The following ANXA8 variants were observed in gnomAD, a reference collection of about 807,000 sequenced individuals.
ANXA8 encodes annexin A8, also known as VAC-beta.
A neutral mutation model predicts 26.8 loss-of-function variants in ANXA8; 9 were observed. The ratio of observed to expected loss-of-function variants is 0.34; its 90% CI spans 0.20 to 0.59. The LOEUF is 0.59. Among genes scored for constraint, ANXA8 ranks in the 20% least tolerant of loss-of-function variants. The pLI is 0.84. For missense variants in ANXA8, 83 were observed against 238.5 expected, an observed-to-expected ratio of 0.35 and a Z score of 4.29; for synonymous variants, 39 against 94.8, an observed-to-expected ratio of 0.41 and a Z score of 3.42.
the ANXA8 span, among the ~76,000 whole-genome samples, chr10:47,651,066 G>A: frequency 6.6e-6 from 1 of 151,514 alleles, no homozygotes; most frequent in Non-Finnish European, 1.5e-5. Flanking sequence ...GATAGGCGTG[G>A]TTTGTGCCTG....
the ANXA8 span, among the ~76,000 whole-genome samples, chr10:47,626,198 T>C: frequency 6.7e-6 from 1 of 149,952 alleles, no homozygotes; most frequent in Non-Finnish European, 1.5e-5. Context: ...AGGTTTGGAA[T>C]ATTATTTCTT....
chr10:47,564,910 C>T, the ANXA8 span: 7 of 1,484,864 alleles, frequency 4.7e-6, no homozygotes, highest in Non-Finnish European at 6.6e-6. Flanking sequence ...ACGACAACTA[C>T]TGTGAAAAGC....
At chr10:47,570,386 A>G in the ANXA8 span, among the ~76,000 whole-genome samples, 1 of 147,762 alleles carries the variant, frequency 6.8e-6, no homozygotes, top group Non-Finnish European at 1.5e-5. Context: ...GTATAGTTAA[A>G]CAAAATAAGG....
the ANXA8 span, among the ~76,000 whole-genome samples, chr10:47,698,305 GT>G: frequency 7.3e-6 from 1 of 137,590 alleles, no homozygotes; most frequent in African/African-American, 2.8e-5. Flanking sequence ...AAATTTTAGA[GT>G]TATTAGCATA....
the ANXA8 span, among the ~76,000 whole-genome samples, chr10:47,530,105 A>G: frequency 1.5e-5 from 2 of 136,064 alleles, no homozygotes; most frequent in East Asian, 3.1e-4. Flanking sequence ...TTATTATCAC[A>G]TATCAGCAGG....
At chr10:47,703,451 C>T in the ANXA8 span, among the ~76,000 whole-genome samples, 6 of 150,754 alleles carry the variant, frequency 4.0e-5, no homozygotes, top group African/African-American at 9.7e-5. Flanking sequence ...CCCTATGGTC[C>T]CAGCTATTCG....
chr10:47,670,189 C>A, the ANXA8 span, among the ~76,000 whole-genome samples: 1 of 151,670 alleles, frequency 6.6e-6, no homozygotes, highest in Non-Finnish European at 1.5e-5. Flanking sequence ...TAGATCACTG[C>A]TTCCTTCTTT....
the ANXA8 span, among the ~76,000 whole-genome samples, chr10:47,530,398 A>G: frequency 6.7e-6 from 1 of 149,260 alleles, no homozygotes; most frequent in African/African-American, 2.5e-5. Context: ...CTCTTAAGAG[A>G]ATAAACAGGC....
chr10:47,520,827 C>T, the ANXA8 span, among the ~76,000 whole-genome samples: 18 of 106,518 alleles, frequency 1.7e-4, no homozygotes, highest in Admixed American at 7.4e-4. Context: ...ACAATGACAC[C>T]CTCCTTTATT....
the ANXA8 span, among the ~76,000 whole-genome samples, chr10:47,755,221 C>G: frequency 4.6e-5 from 7 of 151,430 alleles, no homozygotes; most frequent in Non-Finnish European, 7.4e-5. Context: ...TCCCAAAGTG[C>G]TAGGATTATA....
At chr10:47,704,899 G>T in the ANXA8 span, among the ~76,000 whole-genome samples, 1 of 151,918 alleles carries the variant, frequency 6.6e-6, no homozygotes, top group African/African-American at 2.4e-5. Flanking sequence ...TCATTAATTG[G>T]AAGATTTAAC....
chr10:47,719,407 C>T, the ANXA8 span, among the ~76,000 whole-genome samples: 1 of 118,332 alleles, frequency 8.5e-6, no homozygotes, highest in African/African-American at 3.3e-5. Context: ...GATCTGCCCG[C>T]GTCGGCCTCC....
chr10:47,672,849 T>G, the ANXA8 span, among the ~76,000 whole-genome samples: 2 of 151,740 alleles, frequency 1.3e-5, no homozygotes, highest in African/African-American at 4.9e-5. Flanking sequence ...ATTGCCATTC[T>G]TGTAACTGAA....
the ANXA8 span, chr10:47,760,786 C>T: frequency 8.1e-7 from 1 of 1,237,006 alleles, no homozygotes; most frequent in Admixed American, 2.5e-5. Flanking sequence ...AGGACACTCA[C>T]CAAGGCCGCC....
chr10:47,647,009 A>G, the ANXA8 span, among the ~76,000 whole-genome samples: 6 of 152,208 alleles, frequency 3.9e-5, no homozygotes, highest in African/African-American at 1.2e-4. Context: ...TCTATGACCA[A>G]TTTTGGCTTA....
At chr10:47,496,677 C>G in the ANXA8 span, among the ~76,000 whole-genome samples, 1 of 144,782 alleles carries the variant, frequency 6.9e-6, no homozygotes, top group Non-Finnish European at 1.5e-5. Flanking sequence ...AATAACAGTT[C>G]CTCAATCTTT....
At chr10:47,716,028 G>A in the ANXA8 span, among the ~76,000 whole-genome samples, 1 of 148,884 alleles carries the variant, frequency 6.7e-6, no homozygotes, top group African/African-American at 2.5e-5. Context: ...AGGAGGGAAG[G>A]GAAGGCTAGT....
the ANXA8 span, among the ~76,000 whole-genome samples, chr10:47,937,879 G>A: frequency 3.0e-5 from 4 of 133,848 alleles, no homozygotes; most frequent in African/African-American, 1.2e-4. Flanking sequence ...TGGCTGCATA[G>A]TATTCCATAG....
chr10:47,763,830 G>A, the ANXA8 span, among the ~76,000 whole-genome samples: 1 of 150,106 alleles, frequency 6.7e-6, no homozygotes, highest in African/African-American at 2.4e-5. Flanking sequence ...TGCGTGTTTT[G>A]GGGGGATGGA....
Sources: allele counts gnomAD v4.1 joint callset (sites outside exome capture counted in the v4.1 genomes callset), GRCh38; gene constraint gnomAD v4.1.1; transcripts MANE v1.5; gene names NCBI Gene and HGNC (gene_info 2026-07-23, HGNC 2026-07-21).